ENOX2: variants seen among roughly 807,000 people sequenced by gnomAD.
ENOX2 encodes the protein APK1 antigen.
A neutral mutation model predicts 45.0 loss-of-function variants in ENOX2; 36 were observed. The observed-to-expected ratio is 0.80, with a 90% CI of 0.61 to 1.06. ENOX2 has a LOEUF of 1.06. Among genes scored for constraint, ENOX2 ranks in the 50% least tolerant of loss-of-function variants. The pLI is 0.00. For missense variants in ENOX2, 423 were observed against 462.5 expected, an observed-to-expected ratio of 0.91 and a Z score of 0.78; for synonymous variants, 174 against 152.3, an observed-to-expected ratio of 1.14 and a Z score of -1.05.
intron 3 of ENOX2, among the ~76,000 whole-genome samples, chrX:130,722,260 G>A (rs1460708254): frequency 8.9e-6 from 1 of 112,013 alleles, no homozygotes; most frequent in African/African-American, 3.2e-5. Context: ...AAACTTCGGT[G>A]ATAGGCCTTG....
intron 2 of ENOX2, among the ~76,000 whole-genome samples, chrX:130,792,890 T>C (rs1275143218): frequency 1.8e-5 from 2 of 112,889 alleles, no homozygotes; most frequent in Non-Finnish European, 3.7e-5. Context: ...TGCTCAATAG[T>C]TACATGTAGC....
intron 2 of ENOX2, among the ~76,000 whole-genome samples, chrX:130,852,334 T>C (rs1424810437): frequency 8.9e-6 from 1 of 112,013 alleles, no homozygotes; most frequent in East Asian, 2.8e-4. Flanking sequence ...GCCAATGACT[T>C]TTCTAGGCAA....
At chrX:130,783,738 G>A (rs1237603782) in intron 2 of ENOX2, 48 bp from the exon 3 acceptor site, 3 of 243,530 alleles carry the variant, frequency 1.2e-5, no homozygotes, top group East Asian at 1.3e-4. Flanking sequence ...TAAGGACTGG[G>A]ATTGTCTCCA....
At chrX:130,700,145 G>A (rs1249073779) in intron 4 of ENOX2, among the ~76,000 whole-genome samples, 1 of 112,142 alleles carries the variant, frequency 8.9e-6, no homozygotes, top group Non-Finnish European at 1.9e-5. Flanking sequence ...AGGCATTCTG[G>A]ATCTAGAACC....
chrX:130,823,809 G>C (rs1263521926), intron 2 of ENOX2, among the ~76,000 whole-genome samples: 2 of 110,709 alleles, frequency 1.8e-5, no homozygotes, highest in South Asian at 3.9e-4. Context: ...TCTTCCGAGA[G>C]CATCTATGGG....
intron 2 of ENOX2, among the ~76,000 whole-genome samples, chrX:130,886,354 A>C (rs755144445): frequency 3.5e-5 from 4 of 112,851 alleles, no homozygotes; most frequent in South Asian, 7.3e-4. Context: ...AACAAATGAT[A>C]TTCAAACTTA....
intron 12 of ENOX2, 136 bp downstream of exon 12, chrX:130,634,848 G>A: frequency 2.3e-6 from 1 of 432,126 alleles, no homozygotes; most frequent in South Asian, 4.0e-5. Flanking sequence ...TTACCCCCGA[G>A]AGGGGCTTTT....
chrX:130,655,241 A>G (rs1428782518), intron 10 of ENOX2, among the ~76,000 whole-genome samples: 1 of 112,516 alleles, frequency 8.9e-6, no homozygotes, highest in African/African-American at 3.2e-5. Flanking sequence ...GGGTTTATTC[A>G]ATATAGATAG....
intron 3 of ENOX2, among the ~76,000 whole-genome samples, chrX:130,739,794 A>G (rs1269322516): frequency 1.8e-5 from 2 of 111,820 alleles, no homozygotes; most frequent in Non-Finnish European, 3.8e-5. Context: ...ACTCACCAAT[A>G]TATTTCTCCA....
intron 2 of ENOX2, among the ~76,000 whole-genome samples, chrX:130,852,194 A>T (rs1361995841): frequency 3.6e-5 from 4 of 112,496 alleles, no homozygotes; most frequent in African/African-American, 9.7e-5. Context: ...CTAGTAGCAT[A>T]TGAGTTGGTT....
chrX:130,870,204 G>T (rs1054302565), intron 2 of ENOX2, among the ~76,000 whole-genome samples: 1 of 111,380 alleles, frequency 9.0e-6, no homozygotes, highest in Non-Finnish European at 1.9e-5. Flanking sequence ...ATAAGGTGAT[G>T]CCTGTTTGGA....
chrX:130,787,469 G>A (rs1307930236), intron 2 of ENOX2, among the ~76,000 whole-genome samples: 1 of 111,756 alleles, frequency 8.9e-6, no homozygotes, highest in Non-Finnish European at 1.9e-5. Flanking sequence ...TCTAGTTACT[G>A]ATGTGCAATG....
intron 10 of ENOX2, 47 bp downstream of exon 10, chrX:130,656,534 T>C (rs1377201701): frequency 1.3e-5 from 10 of 794,421 alleles, no homozygotes; most frequent in Non-Finnish European, 1.9e-5. Context: ...AAATATCATG[T>C]CTGCAAGTAC....
At chrX:130,701,978 A>T (rs1468590033) in intron 4 of ENOX2, among the ~76,000 whole-genome samples, 1 of 110,428 alleles carries the variant, frequency 9.1e-6, no homozygotes, top group East Asian at 2.9e-4. Context: ...TTCTCCACCC[A>T]TTTCTTATTC....
At chrX:130,654,589 G>C (rs2036496605) in intron 10 of ENOX2, among the ~76,000 whole-genome samples, 1 of 112,274 alleles carries the variant, frequency 8.9e-6, no homozygotes, top group East Asian at 2.8e-4. Flanking sequence ...CTGCAGTTGA[G>C]TACTACAGAA....
At chrX:130,742,741 G>A (rs750073297) in intron 3 of ENOX2, among the ~76,000 whole-genome samples, 10 of 112,001 alleles carry the variant, frequency 8.9e-5, no homozygotes, top group Non-Finnish European at 1.9e-4. Context: ...TACACAGCTA[G>A]TAAGTAGCAT....
At chrX:130,809,216 C>T (rs2077354437) in intron 2 of ENOX2, among the ~76,000 whole-genome samples, 1 of 112,463 alleles carries the variant, frequency 8.9e-6, no homozygotes, top group South Asian at 3.7e-4. Context: ...TTGTTGGTAG[C>T]TGCACTAGCT....
chrX:130,710,979 A>G (rs2038174582), intron 3 of ENOX2, among the ~76,000 whole-genome samples: 1 of 112,075 alleles, frequency 8.9e-6, no homozygotes, highest in African/African-American at 3.2e-5. Context: ...AAAATGCTTG[A>G]ACAAAACGTG....
At chrX:130,850,578 C>A (rs2078187745) in intron 2 of ENOX2, among the ~76,000 whole-genome samples, 1 of 111,937 alleles carries the variant, frequency 8.9e-6, no homozygotes, top group Non-Finnish European at 1.9e-5. Context: ...CAAAAAAGTA[C>A]ACCCATTAAG....
Sources: gnomAD v4.1 joint callset for allele counts (sites outside exome capture counted in the v4.1 genomes callset) on GRCh38, gnomAD v4.1.1 for gene constraint, MANE v1.5 for transcripts, NCBI Gene and HGNC (gene_info 2026-07-23, HGNC 2026-07-21) for gene names.